APLP2: variants seen among roughly 807,000 people sequenced by gnomAD.
The protein encoded by APLP2 is CDEI box-binding protein.
A neutral mutation model predicts 89.9 loss-of-function variants in APLP2; 53 were observed. The observed-to-expected ratio is 0.59, with a 90% CI of 0.47 to 0.74. APLP2 has a LOEUF of 0.74. Ranked by LOEUF, APLP2 falls within the 30% of genes least tolerant of loss-of-function variation. APLP2 has a pLI of 0.00. For missense variants in APLP2, 973 were observed against 975.9 expected (o/e 1.00, Z 0.04); for synonymous variants, 372 against 348.6 (o/e 1.07, Z -0.75).
intron 3 of APLP2, among the ~76,000 whole-genome samples, chr11:130,115,261 A>T (rs1414451490): frequency 6.6e-6 from 1 of 152,068 alleles, no homozygotes; most frequent in Non-Finnish European, 1.5e-5. Flanking sequence ...GTATTTATGG[A>T]GTACACGAGA....
intron 1 of APLP2, among the ~76,000 whole-genome samples, chr11:130,098,334 G>T (rs1015176491): frequency 2.0e-5 from 3 of 152,074 alleles, no homozygotes; most frequent in African/African-American, 4.8e-5. Flanking sequence ...GAACCCGGGA[G>T]TCGGAGGTTG....
intron 3 of APLP2, among the ~76,000 whole-genome samples, chr11:130,118,558 A>G (rs1014971122): frequency 1.3e-5 from 2 of 152,214 alleles, no homozygotes; most frequent in African/African-American, 4.8e-5. Flanking sequence ...TTTGTCATAA[A>G]TGAACAAAAA....
chr11:130,099,805 G>T (rs1255092753), intron 1 of APLP2, among the ~76,000 whole-genome samples: 1 of 152,180 alleles, frequency 6.6e-6, no homozygotes, highest in Non-Finnish European at 1.5e-5. Context: ...TGCACCTCGG[G>T]TTCAAGCCCC....
At chr11:130,080,180 C>T (rs1236042277) in intron 1 of APLP2, among the ~76,000 whole-genome samples, 2 of 152,070 alleles carry the variant, frequency 1.3e-5, no homozygotes, top group Non-Finnish European at 2.9e-5. Flanking sequence ...TAATAGCCTC[C>T]TAAGTTTTGG....
chr11:130,143,362 A>C lies in APLP2; in HGVS notation c.2170A>C (p.Thr724Pro), dbSNP rs1176075413. The C allele has an allele frequency of 5.0e-6, 8 of 1,613,846 alleles. No individual in the cohort carries two copies. The highest frequency in any genetic ancestry group is 6.8e-6 in the Non-Finnish European group (8 of 1,179,984). The change falls in exon 17 of 17, where the codon ACC (threonine) becomes CCC (proline). Residue 724 changes from threonine (T) to proline (P), a missense_variant. Coordinates refer to ENST00000338167, the MANE Select transcript of APLP2 (RefSeq NM_001142276.2). ...GTTCTTCCAGGTTGATCCAATGCTC[A>C]CCCCAGAAGAGCGTCACCTGAACAA... ...HGIVEVDPMLTPEERHLNKMQ... is the reference protein window; with the variant it reads ...HGIVEVDPMLPPEERHLNKMQ...
At chr11:130,138,095 G>C (rs12801790) in intron 13 of APLP2, among the ~76,000 whole-genome samples, 1 of 152,244 alleles carries the variant, frequency 6.6e-6, no homozygotes, top group South Asian at 2.1e-4. Flanking sequence ...CTGAGTTGTC[G>C]GTGTCACGGG....
At chr11:130,070,627 G>T in intron 1 of APLP2, 1 of 1,449,552 alleles carries the variant, frequency 6.9e-7, no homozygotes, top group Non-Finnish European at 9.0e-7. Flanking sequence ...TGCGAGCCCC[G>T]GGGGAGCTCC....
intron 1 of APLP2, among the ~76,000 whole-genome samples, chr11:130,083,732 A>T (rs1403693808): frequency 2.6e-5 from 4 of 152,018 alleles, no homozygotes; most frequent in African/African-American, 9.7e-5. Flanking sequence ...TCATCTCTCG[A>T]TGGACATTTA....
At position 130,144,361 on chromosome 11, in the gene APLP2, G is replaced by C. The variant is rs1480294417; in HGVS notation, c.*913G>C. On this transcript the variant is annotated 3_prime_UTR_variant, in exon 17 of 17. Transcript: ENST00000338167. ...TGTCCCCTCACCTCCACCCCCTCCT[G>C]TCACCGGCCTTGTGACATTCACTCA... 2 of 152,310 alleles carry C rather than the reference G, an allele frequency of 1.3e-5. No homozygotes were observed. The highest frequency in any genetic ancestry group is 2.9e-5 in the Non-Finnish European group (2 of 68,160). The allele number at this position is 152,310 out of a possible 1,614,324, so 9.4% of individuals were successfully genotyped here.
intron 1 of APLP2, among the ~76,000 whole-genome samples, chr11:130,075,167 T>G (rs1341877916): frequency 6.6e-6 from 1 of 152,206 alleles, no homozygotes; most frequent in Non-Finnish European, 1.5e-5. Flanking sequence ...TTTTTTATTT[T>G]TTGAGACAGG....
chr11:130,138,170 G>GT (rs1441408174), intron 13 of APLP2, among the ~76,000 whole-genome samples: 1 of 152,196 alleles, frequency 6.6e-6, no homozygotes, highest in Non-Finnish European at 1.5e-5. Flanking sequence ...TTCATAATGT[G>GT]TTGTATGAGC....
intron 16 of APLP2, among the ~76,000 whole-genome samples, chr11:130,143,133 AGGGCTCTCGTTTC>A (rs1352450908): frequency 6.6e-6 from 1 of 152,170 alleles, no homozygotes. Flanking sequence ...CTAAGCTTTC[AGGGCTCTCGTTTC>A]GAAAGCATTG....
intron 8 of APLP2, among the ~76,000 whole-genome samples, 155 bp from the exon 9 acceptor site, chr11:130,127,611 G>A (rs1160203852): frequency 6.6e-6 from 1 of 152,194 alleles, no homozygotes; most frequent in East Asian, 1.9e-4. Flanking sequence ...GGAACCTTCT[G>A]AGGCAGTAAC....
Position 130,141,527 on chromosome 11 carries a change from A to G in APLP2, c.1953A>G (p.Glu651=), listed in dbSNP as rs200200084. The part of the protein sequence containing the change: ...MVIDETLDVK[E]MIFNAERVGG... ...TTGACGAGACTCTGGATGTTAAGGA[A>G]ATGATTTTCAATGCCGAGAGAGTTG... The change falls in exon 15 of 17, where the codon GAA becomes GAG. Residue 651 remains glutamate, a synonymous_variant. Transcript: ENST00000338167. This position sits in a 1 kb window ranked among gnomAD's most constrained non-coding sequence, Gnocchi z 4.2. 58 of 1,614,034 alleles carry G rather than the reference A, an allele frequency of 3.6e-5. No homozygotes were observed. In the East Asian group the frequency reaches 1.2e-3, roughly 34 times the overall value.
intron 1 of APLP2, among the ~76,000 whole-genome samples, chr11:130,087,922 T>C (rs964121075): frequency 1.3e-5 from 2 of 152,208 alleles, no homozygotes; most frequent in Non-Finnish European, 2.9e-5. Context: ...TTAGTGTTGT[T>C]TTTAAACAAT....
chr11:130,083,571 CATG>C (rs1490037497), intron 1 of APLP2, among the ~76,000 whole-genome samples: 1 of 152,194 alleles, frequency 6.6e-6, no homozygotes, highest in East Asian at 1.9e-4. Flanking sequence ...TAAGGGGAAT[CATG>C]CAGTACTTGT....
At chr11:130,072,347 A>C (rs1241079908) in intron 1 of APLP2, among the ~76,000 whole-genome samples, 1 of 152,198 alleles carries the variant, frequency 6.6e-6, no homozygotes, top group African/African-American at 2.4e-5. Flanking sequence ...ACTCAAACCC[A>C]AATTAAAGGA....
intron 1 of APLP2, chr11:130,070,781 G>A (rs1940871068): frequency 2.2e-6 from 3 of 1,358,620 alleles, no homozygotes; most frequent in Non-Finnish European, 2.9e-6. Flanking sequence ...GTTTCAGTGA[G>A]TAGGGAAGGT....
At position 130,070,053 on chromosome 11, in the gene APLP2, C is replaced by T. The variant is rs913739918; in HGVS notation, c.76C>T (p.Pro26Ser). The T allele has an allele frequency of 2.0e-6, 3 of 1,502,504 alleles. No homozygotes were observed. The highest frequency in any genetic ancestry group is 2.6e-6 in the Non-Finnish European group (3 of 1,134,188). 93.1% of individuals were successfully genotyped at this position (1,502,504 alleles called of 1,614,324 possible). A position where few individuals can be genotyped will look rare whatever the true frequency, so the allele number is the denominator to read the frequency against. The change falls in exon 1 of 17, where the codon CCT (proline) becomes TCT (serine). Residue 26 changes from proline (P) to serine (S), a missense_variant. Pro to Ser is a moderately conservative substitution (Grantham distance 74). Coordinates refer to ENST00000338167, the MANE Select transcript of APLP2 (RefSeq NM_001142276.2). ...TCTGCTGCTGGTGGGGCTCACGGCG[C>T]CTGCCTTGGCGCTGGCCGGCTACAT... ...LLLLLVGLTA[P>S]ALALAGYIEA... is the part of the protein sequence containing the mutation.
Sources: gnomAD v4.1 joint callset for allele counts (sites outside exome capture counted in the v4.1 genomes callset) on GRCh38, gnomAD v4.1.1 for gene constraint, Gnocchi (gnomAD v3.1) non-coding constraint, MANE v1.5 for transcripts, NCBI Gene and HGNC (gene_info 2026-07-23, HGNC 2026-07-21) for gene names.